CTPS2: variants seen among roughly 807,000 people sequenced by gnomAD.
CTPS2 encodes CTP synthase 2, also known as CTP synthase II.
In CTPS2, 19 loss-of-function variants were observed where a neutral mutation model predicts 46.8. That is an observed-to-expected ratio of 0.41 (90% CI 0.28 to 0.60). The LOEUF (loss-of-function observed/expected upper bound fraction) is 0.60. Ranked by LOEUF, CTPS2 falls within the 20% of genes least tolerant of loss-of-function variation. CTPS2 has a pLI of 0.35. For missense variants in CTPS2, 286 were observed against 447.6 expected (o/e 0.64, Z 3.26); for synonymous variants, 151 against 165.2 (o/e 0.91, Z 0.66).
chrX:16,607,270 C>T (rs1254242033), intron 17 of CTPS2, among the ~76,000 whole-genome samples: 3 of 113,046 alleles, frequency 2.7e-5, no homozygotes, highest in South Asian at 3.6e-4. Context: ...AATTGTAAAA[C>T]GGCTGCAAAG....
At chrX:16,633,037 C>T (rs1040869633) in intron 14 of CTPS2, among the ~76,000 whole-genome samples, 4 of 109,953 alleles carry the variant, frequency 3.6e-5, no homozygotes, top group Admixed American at 9.8e-5. Flanking sequence ...CTGCCTCATC[C>T]GTGGAGTTCA....
At position 16,669,593 on chromosome X, in the gene CTPS2, C is replaced by A. The variant is rs777084915; in HGVS notation, c.1189+987G>T. 2.7e-5 allele frequency among the ~76,000 whole-genome samples: 3 copies of A among 110,410 alleles called. No individual in the cohort carries two copies. The East Asian group carries it at 8.5e-4, about 31-fold the overall frequency. ...AACTTCAAAAAAAAAAACAATGGCC[C>A]CCAACGAGCTTAGACCAGTAAAAGA... is the stretch of plus-strand genomic sequence containing the variant. On this transcript the variant is annotated intron_variant, in intron 11 of 18. Transcript: ENST00000359276.
At chrX:16,601,625 C>G (rs940983787) in intron 17 of CTPS2, among the ~76,000 whole-genome samples, 4 of 108,286 alleles carry the variant, frequency 3.7e-5, no homozygotes, top group African/African-American at 1.3e-4. Flanking sequence ...ATTCCAACCG[C>G]AGAAGACGGA....
chrX:16,652,024 G>C (rs11795761), intron 13 of CTPS2, among the ~76,000 whole-genome samples: 3,173 of 109,505 alleles, frequency 0.029, 66 homozygotes, highest in East Asian at 0.13. Context: ...AGGATGGGGG[G>C]GGCCAGTGGA....
chrX:16,670,496 C>T lies in CTPS2; in HGVS notation c.1189+84G>A, dbSNP rs937821834. The T allele has an allele frequency of 1.2e-5, 8 of 694,514 alleles. No homozygotes were observed. In the East Asian group the frequency reaches 1.4e-4, roughly 12 times the overall value. 57.2% of individuals were successfully genotyped at this position (694,514 alleles called of 1,213,427 possible). ...TTTCAAATCCGAGTTCACACCTTTA[C>T]GATAACAAACCTTTAGTGTTACCCC... On this transcript the variant is annotated intron_variant, in intron 11 of 18. Transcript: ENST00000359276.
intron 17 of CTPS2, among the ~76,000 whole-genome samples, chrX:16,603,794 G>A (rs1365597004): frequency 1.8e-5 from 2 of 110,540 alleles, no homozygotes; most frequent in Admixed American, 1.9e-4. Context: ...ACCATCCCAG[G>A]CTAGAAGTCA....
At chrX:16,656,714 C>G (rs1329510434) in intron 13 of CTPS2, among the ~76,000 whole-genome samples, 1 of 108,725 alleles carries the variant, frequency 9.2e-6, no homozygotes, top group Non-Finnish European at 1.9e-5. Context: ...ATGCCCGGCC[C>G]ATTTCCACTT....
At chrX:16,670,481 G>A (rs975292347) in intron 11 of CTPS2, 99 bp downstream of exon 11, 10 of 598,333 alleles carry the variant, frequency 1.7e-5, no homozygotes, top group East Asian at 3.5e-5. Context: ...TTTCAAATCC[G>A]AGTTCACACC....
intron 17 of CTPS2, among the ~76,000 whole-genome samples, chrX:16,605,684 T>G (rs1023139733): frequency 8.9e-6 from 1 of 111,907 alleles, no homozygotes. Context: ...ACCACATGAT[T>G]GCACTCCAGC....
At chrX:16,640,406 G>A (rs186606934) in intron 13 of CTPS2, among the ~76,000 whole-genome samples, 116 of 111,169 alleles carry the variant, frequency 1.0e-3, no homozygotes, top group African/African-American at 3.7e-3. Flanking sequence ...GGTATTTCTG[G>A]GAGCCATAGC....
At chrX:16,697,743 A>G (rs755318208) in intron 4 of CTPS2, among the ~76,000 whole-genome samples, 1 of 111,629 alleles carries the variant, frequency 9.0e-6, no homozygotes, top group East Asian at 2.8e-4. Flanking sequence ...TCGCGCAGCC[A>G]CTAGCTTCTT....
chrX:16,655,311 C>T (rs983566584), intron 13 of CTPS2, among the ~76,000 whole-genome samples: 1 of 111,639 alleles, frequency 9.0e-6, no homozygotes, highest in African/African-American at 3.3e-5. Context: ...TGGCATGTGA[C>T]GTGTAATATA....
At chrX:16,679,497 C>G (rs1922564244) in intron 9 of CTPS2, among the ~76,000 whole-genome samples, 1 of 111,844 alleles carries the variant, frequency 8.9e-6, no homozygotes, top group Non-Finnish European at 1.9e-5. Context: ...AGCGAGAGGA[C>G]AGACCTGATT....
chrX:16,645,440 GGGGTGGT>G (rs1255166906), intron 13 of CTPS2, among the ~76,000 whole-genome samples: 1 of 110,921 alleles, frequency 9.0e-6, no homozygotes, highest in African/African-American at 3.3e-5. Context: ...CGGGAAGGGA[GGGGTGGT>G]GCCCTACTCA....
intron 17 of CTPS2, among the ~76,000 whole-genome samples, chrX:16,601,588 T>G: frequency 1.0e-5 from 1 of 98,616 alleles, no homozygotes; most frequent in Middle Eastern, 5.3e-3. Context: ...GGGGGGGGTT[T>G]AAGTTCCAAA....
At chrX:16,663,540 T>A (rs1339268743) in intron 13 of CTPS2, among the ~76,000 whole-genome samples, 1 of 111,111 alleles carries the variant, frequency 9.0e-6, no homozygotes, top group Non-Finnish European at 1.9e-5. Context: ...CTGAAATAAC[T>A]AAAGAAATGC....
intron 8 of CTPS2, 98 bp downstream of exon 8, chrX:16,689,352 A>G: frequency 1.1e-6 from 1 of 882,006 alleles, no homozygotes. Flanking sequence ...GCACACGCAA[A>G]ATGCCAAATA....
chrX:16,686,382 A>C (rs1923206356), intron 8 of CTPS2, among the ~76,000 whole-genome samples: 1 of 102,068 alleles, frequency 9.8e-6, no homozygotes, highest in Non-Finnish European at 2.0e-5. Flanking sequence ...AAAAATTAAA[A>C]ATAAAAAGGC....
At chrX:16,679,413 C>T (rs1157157552) in intron 9 of CTPS2, among the ~76,000 whole-genome samples, 1 of 109,687 alleles carries the variant, frequency 9.1e-6, no homozygotes, top group Non-Finnish European at 1.9e-5. Flanking sequence ...GCAAAGGAAC[C>T]ACTTATATGA....
Sources: allele counts gnomAD v4.1 joint callset (sites outside exome capture counted in the v4.1 genomes callset), GRCh38; gene constraint gnomAD v4.1.1; transcripts MANE v1.5; gene names NCBI Gene and HGNC (gene_info 2026-07-23, HGNC 2026-07-21).